The following EDIL3 variants were observed in gnomAD, a reference collection of about 807,000 sequenced individuals.
The protein encoded by EDIL3 is EGF like and discoidin domains 3.
A neutral mutation model predicts 67.4 loss-of-function variants in EDIL3; 37 were observed. The ratio of observed to expected loss-of-function variants is 0.55; its 90% CI spans 0.42 to 0.72. EDIL3 has a LOEUF of 0.72. Among genes scored for constraint, EDIL3 ranks in the 30% least tolerant of loss-of-function variants. The pLI, the probability that EDIL3 is intolerant of heterozygous loss-of-function variation, is 0.00. For synonymous variants in EDIL3, 195 were observed against 196.3 expected, an observed-to-expected ratio of 0.99 and a Z score of 0.05; for missense variants, 527 against 586.3, an observed-to-expected ratio of 0.90 and a Z score of 1.04.
At chr5:84,384,270 C>T in intron 1 of EDIL3, 38 bp downstream of exon 1, 1 of 1,601,312 alleles carries the variant, frequency 6.2e-7, no homozygotes. Flanking sequence ...GACTCCCAGC[C>T]CATCCCTCAC....
intron 9 of EDIL3, among the ~76,000 whole-genome samples, chr5:84,008,136 G>T (rs1745458901): frequency 6.6e-6 from 1 of 152,138 alleles, no homozygotes; most frequent in Admixed American, 6.6e-5. Context: ...GCTGGAAAGG[G>T]TAGTAGGGGT....
chr5:84,186,120 G>T (rs1743432825), intron 3 of EDIL3, among the ~76,000 whole-genome samples: 1 of 151,970 alleles, frequency 6.6e-6, no homozygotes, highest in Admixed American at 6.6e-5. Flanking sequence ...ATTCATATGA[G>T]AATTAGAAAT....
chr5:84,259,509 T>C (rs1297840351), intron 1 of EDIL3, among the ~76,000 whole-genome samples: 1 of 152,222 alleles, frequency 6.6e-6, no homozygotes, highest in Non-Finnish European at 1.5e-5. Flanking sequence ...ATCTGCAGTT[T>C]ATGGCAGATT....
chr5:84,171,506 G>A (rs1416305274), intron 4 of EDIL3, among the ~76,000 whole-genome samples: 1 of 152,188 alleles, frequency 6.6e-6, no homozygotes, highest in Non-Finnish European at 1.5e-5. Context: ...ATCCGATTAA[G>A]TGAGGGTCAG....
At chr5:84,132,162 G>A (rs1055860353) in intron 5 of EDIL3, among the ~76,000 whole-genome samples, 6 of 149,102 alleles carry the variant, frequency 4.0e-5, no homozygotes, top group African/African-American at 1.5e-4. Flanking sequence ...TTGAACCTGG[G>A]AGGTGGAGGT....
intron 9 of EDIL3, among the ~76,000 whole-genome samples, chr5:83,981,639 C>T (rs112095066): frequency 3.5e-4 from 53 of 151,940 alleles, no homozygotes; most frequent in African/African-American, 1.1e-3. Flanking sequence ...GCAAAGTAAC[C>T]GATGATTAGC....
intron 4 of EDIL3, among the ~76,000 whole-genome samples, chr5:84,172,964 C>T (rs894227944): frequency 1.3e-5 from 2 of 152,162 alleles, no homozygotes; most frequent in African/African-American, 2.4e-5. Flanking sequence ...CCTTTGCTGG[C>T]TCTGGGTCTG....
At chr5:84,076,159 T>A (rs1746853410) in intron 6 of EDIL3, among the ~76,000 whole-genome samples, 1 of 151,882 alleles carries the variant, frequency 6.6e-6, no homozygotes. Context: ...CTCTTTCAAA[T>A]CTAGCTTAAG....
chr5:84,050,312 A>T (rs1336842303), intron 9 of EDIL3, among the ~76,000 whole-genome samples: 2 of 152,256 alleles, frequency 1.3e-5, no homozygotes, highest in East Asian at 3.9e-4. Flanking sequence ...AAACAATAGA[A>T]TGTTAAAATG....
At chr5:84,016,546 G>GT (rs1226535831) in intron 9 of EDIL3, among the ~76,000 whole-genome samples, 1 of 152,102 alleles carries the variant, frequency 6.6e-6, no homozygotes, top group Non-Finnish European at 1.5e-5. Flanking sequence ...AACTTTTTGA[G>GT]TGCTGATATG....
chr5:84,380,393 T>C (rs1408268010), intron 1 of EDIL3, among the ~76,000 whole-genome samples: 1 of 152,058 alleles, frequency 6.6e-6, no homozygotes, highest in African/African-American at 2.4e-5. Context: ...AAGTAAATGA[T>C]TAACTATGAC....
chr5:84,371,759 C>A (rs1747861277), intron 1 of EDIL3, among the ~76,000 whole-genome samples: 1 of 151,852 alleles, frequency 6.6e-6, no homozygotes, highest in African/African-American at 2.4e-5. Flanking sequence ...CCAGTGAAGG[C>A]AAATGCAGCA....
At chr5:84,161,018 T>TG (rs754429266) in intron 4 of EDIL3, among the ~76,000 whole-genome samples, 3 of 151,886 alleles carry the variant, frequency 2.0e-5, no homozygotes, top group Non-Finnish European at 4.4e-5. Flanking sequence ...CAAGCCCCTA[T>TG]GGTTCATTAT....
chr5:83,948,608 A>G (rs1464514210), intron 10 of EDIL3, among the ~76,000 whole-genome samples: 1 of 151,662 alleles, frequency 6.6e-6, no homozygotes, highest in African/African-American at 2.4e-5. Flanking sequence ...TTTTTTTATT[A>G]AAAAGGAAAA....
At chr5:84,097,060 T>C (rs372424931) in intron 6 of EDIL3, among the ~76,000 whole-genome samples, 68 of 152,324 alleles carry the variant, frequency 4.5e-4, no homozygotes, top group East Asian at 1.5e-3. Context: ...CTTTCTTTTG[T>C]AAATTGCCCA....
chr5:84,094,014 C>T (rs1487531756), intron 6 of EDIL3, among the ~76,000 whole-genome samples: 1 of 151,964 alleles, frequency 6.6e-6, no homozygotes, highest in African/African-American at 2.4e-5. Flanking sequence ...TCATGTATTC[C>T]AAAGAATCTA....
rs1480048075 is a variant in EDIL3 at position 83,942,498 on chromosome 5, T to A, written c.*921A>T. The A allele has an allele frequency of 6.6e-6, 1 of 152,050 alleles. No individual in the cohort carries two copies. The highest frequency in any genetic ancestry group is 2.4e-5 in the African/African-American group (1 of 41,450). The allele number at this position is 152,050 out of a possible 1,614,324, so 9.4% of individuals were successfully genotyped here. On this transcript the variant is annotated 3_prime_UTR_variant, in exon 11 of 11. Coordinates refer to ENST00000296591, the MANE Select transcript of EDIL3 (RefSeq NM_005711.5). ...ATAAGCCGATTTTTTAAAGTAAATA[T>A]AAGGATATGTAATTACCATCTAAAT... is the stretch of plus-strand genomic sequence containing the variant.
At chr5:84,184,972 G>A (rs79432188) in intron 3 of EDIL3, among the ~76,000 whole-genome samples, 5,210 of 152,248 alleles carry the variant, frequency 0.034, 119 homozygotes, top group Non-Finnish European at 0.054. Context: ...TGAGGATGGA[G>A]TAAAGCAAAA....
At chr5:84,364,673 T>A (rs571826402) in intron 1 of EDIL3, among the ~76,000 whole-genome samples, 1 of 152,230 alleles carries the variant, frequency 6.6e-6, no homozygotes, top group East Asian at 1.9e-4. Flanking sequence ...AAATAATGTT[T>A]TAAATTATGA....
Sources: gnomAD v4.1 joint callset for allele counts (sites outside exome capture counted in the v4.1 genomes callset) on GRCh38, gnomAD v4.1.1 for gene constraint, MANE v1.5 for transcripts, NCBI Gene and HGNC (gene_info 2026-07-23, HGNC 2026-07-21) for gene names.